The following GRID2 variants were observed in gnomAD, a reference collection of about 807,000 sequenced individuals.
GRID2 encodes glutamate ionotropic receptor delta type subunit 2.
A neutral mutation model predicts 114.8 loss-of-function variants in GRID2; 33 were observed. The ratio of observed to expected loss-of-function variants is 0.29; its 90% CI spans 0.22 to 0.38. The LOEUF (loss-of-function observed/expected upper bound fraction) is 0.38. Among genes scored for constraint, GRID2 ranks in the 10% least tolerant of loss-of-function variants. The pLI, the probability that GRID2 is intolerant of heterozygous loss-of-function variation, is 1.00. For synonymous variants in GRID2, 505 were observed against 449.9 expected (o/e 1.12, Z -1.55); for missense variants, 1,184 against 1,257.7 (o/e 0.94, Z 0.89).
intron 2 of GRID2, among the ~76,000 whole-genome samples, chr4:92,917,520 C>T (rs1047977371): frequency 1.1e-4 from 17 of 152,128 alleles, no homozygotes; most frequent in African/African-American, 4.1e-4. Flanking sequence ...TTTAATCGAT[C>T]TTGAATTAAT....
intron 13 of GRID2, among the ~76,000 whole-genome samples, chr4:93,575,462 T>C (rs1262783815): frequency 1.3e-5 from 2 of 152,162 alleles, no homozygotes; most frequent in Non-Finnish European, 2.9e-5. Flanking sequence ...TATTGGAATA[T>C]GTAGGCTTTG....
At chr4:92,947,077 T>A (rs1185856597) in intron 2 of GRID2, among the ~76,000 whole-genome samples, 1 of 152,052 alleles carries the variant, frequency 6.6e-6, no homozygotes, top group Non-Finnish European at 1.5e-5. Context: ...GTAGTCAACA[T>A]AAAAGAAAGA....
chr4:92,783,446 A>G (rs1428698557), intron 2 of GRID2, among the ~76,000 whole-genome samples: 1 of 152,166 alleles, frequency 6.6e-6, no homozygotes, highest in African/African-American at 2.4e-5. Context: ...AATAGAGGTC[A>G]TTAAAATCCA....
intron 14 of GRID2, among the ~76,000 whole-genome samples, chr4:93,759,197 G>A (rs944867760): frequency 5.3e-5 from 8 of 152,088 alleles, no homozygotes; most frequent in Admixed American, 1.3e-4. Flanking sequence ...CTTGAGATCC[G>A]TCATGTTGCT....
At chr4:93,482,810 CTT>C (rs1322588853) in intron 11 of GRID2, among the ~76,000 whole-genome samples, 2 of 151,940 alleles carry the variant, frequency 1.3e-5, no homozygotes, top group African/African-American at 2.4e-5. Context: ...AAAGCCATCT[CTT>C]ATACCCATGA....
chr4:93,513,675 A>G (rs553768471), intron 12 of GRID2, among the ~76,000 whole-genome samples: 2 of 152,158 alleles, frequency 1.3e-5, no homozygotes, highest in Non-Finnish European at 2.9e-5. Context: ...TGTAGAGCAA[A>G]AAGGAATTAT....
intron 2 of GRID2, among the ~76,000 whole-genome samples, chr4:92,653,607 G>A (rs1291917400): frequency 3.3e-5 from 5 of 151,880 alleles, no homozygotes; most frequent in Middle Eastern, 3.4e-3. Flanking sequence ...ATATATTTTG[G>A]TAAAACTAAA....
intron 14 of GRID2, among the ~76,000 whole-genome samples, chr4:93,673,031 T>C (rs543247726): frequency 6.6e-6 from 1 of 152,318 alleles, no homozygotes; most frequent in South Asian, 2.1e-4. Flanking sequence ...GTAGAACCAA[T>C]TTAAATTACT....
At chr4:92,716,621 C>G (rs2149314144) in intron 2 of GRID2, among the ~76,000 whole-genome samples, 1 of 152,216 alleles carries the variant, frequency 6.6e-6, no homozygotes, top group Non-Finnish European at 1.5e-5. Context: ...GTTCAGCTGT[C>G]TGTGTTTTAT....
intron 9 of GRID2, among the ~76,000 whole-genome samples, chr4:93,398,754 T>G (rs947685385): frequency 2.8e-4 from 42 of 151,566 alleles, no homozygotes; most frequent in Non-Finnish European, 5.2e-4. Flanking sequence ...GCAGTGTTTT[T>G]TTTTTTTTTT....
intron 11 of GRID2, among the ~76,000 whole-genome samples, chr4:93,474,651 C>T (rs551277673): frequency 2.6e-4 from 39 of 152,138 alleles, no homozygotes; most frequent in African/African-American, 5.5e-4. Flanking sequence ...GAAGAAATGG[C>T]GCATGTACTT....
rs538315900 is a variant in GRID2 at position 92,886,877 on chromosome 4, G to A, written c.245-198118G>A. ...CCTGACCTCGTGATCCACCCGCCTCGGCCTCCCAAAGTGCTGGGATTATAG... is the reference window on the plus strand; with the variant it reads ...CCTGACCTCGTGATCCACCCGCCTCAGCCTCCCAAAGTGCTGGGATTATAG... On this transcript the variant is annotated intron_variant, in intron 2 of 15. Coordinates refer to ENST00000282020, the MANE Select transcript of GRID2 (RefSeq NM_001510.4). 5.3e-5 allele frequency among the ~76,000 whole-genome samples: 8 copies of A among 152,072 alleles called. No homozygotes were observed. The South Asian group carries it at 1.2e-3, about 24-fold the overall frequency.
At chr4:92,831,979 TAA>T (rs541336874) in intron 2 of GRID2, among the ~76,000 whole-genome samples, 53 of 152,264 alleles carry the variant, frequency 3.5e-4, no homozygotes, top group African/African-American at 1.2e-3. Context: ...ATACAGTGCA[TAA>T]AAGACTGTTT....
At chr4:93,613,081 C>T (rs1353533585) in intron 13 of GRID2, among the ~76,000 whole-genome samples, 1 of 135,948 alleles carries the variant, frequency 7.4e-6, no homozygotes, top group Non-Finnish European at 1.6e-5. Context: ...ATTGCTGATA[C>T]CCTTTCTTCC....
chr4:93,204,517 A>C (rs1222163805), intron 4 of GRID2, among the ~76,000 whole-genome samples: 3 of 152,188 alleles, frequency 2.0e-5, no homozygotes, highest in Non-Finnish European at 2.9e-5. Flanking sequence ...GACCAGAAGG[A>C]GAGACTATCT....
chr4:93,222,460 T>A (rs1379731074), intron 6 of GRID2, among the ~76,000 whole-genome samples: 1 of 150,740 alleles, frequency 6.6e-6, no homozygotes, highest in African/African-American at 2.4e-5. Flanking sequence ...TTTTTAAATA[T>A]ATATATATAT....
intron 13 of GRID2, among the ~76,000 whole-genome samples, chr4:93,572,102 A>G (rs751326099): frequency 2.0e-5 from 3 of 152,136 alleles, no homozygotes; most frequent in Admixed American, 1.3e-4. Context: ...AAGATCATCT[A>G]ACTTGGCCTA....
intron 1 of GRID2, among the ~76,000 whole-genome samples, chr4:92,386,926 T>A (rs1399683107): frequency 2.0e-5 from 3 of 151,934 alleles, no homozygotes; most frequent in African/African-American, 7.2e-5. Context: ...ATATCAGTCA[T>A]TAATTTGGTA....
chr4:93,751,055 A>G (rs1431288117), intron 14 of GRID2, among the ~76,000 whole-genome samples: 3 of 152,202 alleles, frequency 2.0e-5, no homozygotes, highest in Middle Eastern at 3.2e-3. Flanking sequence ...TTCCAAGGCC[A>G]GTTTATACCT....
Sources: gnomAD v4.1 joint callset for allele counts (sites outside exome capture counted in the v4.1 genomes callset) on GRCh38, gnomAD v4.1.1 for gene constraint, MANE v1.5 for transcripts, NCBI Gene and HGNC (gene_info 2026-07-23, HGNC 2026-07-21) for gene names.